LTBP1: variants seen among roughly 807,000 people sequenced by gnomAD.
LTBP1 encodes the protein latent-transforming growth factor beta-binding protein 1.
Under a neutral mutation model 207.6 loss-of-function variants are expected in LTBP1, and 129 were observed. The observed-to-expected ratio is 0.62, with a 90% CI of 0.54 to 0.72. The LOEUF (loss-of-function observed/expected upper bound fraction) is 0.72, where lower values mean the gene tolerates loss of function less well. LTBP1 is among the 30% of genes least tolerant of loss of function. The probability of loss-of-function intolerance (pLI) is 0.00; values close to 1 mark genes in which losing one functional copy is unlikely to be tolerated. For missense variants in LTBP1, 2,281 were observed against 2,217.2 expected (o/e 1.03, Z -0.58); for synonymous variants, 963 against 833.7 (o/e 1.16, Z -2.67).
chr2:33,273,268 C>T (rs1383499307), intron 15 of LTBP1, among the ~76,000 whole-genome samples: 1 of 152,096 alleles, frequency 6.6e-6, no homozygotes, highest in Non-Finnish European at 1.5e-5. Flanking sequence ...TAAGAAATCT[C>T]TTACCTATTG....
intron 15 of LTBP1, among the ~76,000 whole-genome samples, chr2:33,273,171 A>G (rs897593212): frequency 1.3e-5 from 2 of 152,132 alleles, no homozygotes; most frequent in Admixed American, 6.5e-5. Context: ...TTAATGATAA[A>G]TTTTGGAGGA....
intron 7 of LTBP1, among the ~76,000 whole-genome samples, chr2:33,192,132 G>C (rs2087963676): frequency 1.3e-5 from 2 of 152,202 alleles, no homozygotes; most frequent in Non-Finnish European, 2.9e-5. Context: ...AGAGTTGTCA[G>C]AAGAGATCAG....
chr2:33,269,638 A>G (rs551070720), intron 15 of LTBP1, among the ~76,000 whole-genome samples: 1 of 152,316 alleles, frequency 6.6e-6, no homozygotes, highest in African/African-American at 2.4e-5. Context: ...CCCAGTTTCT[A>G]GAGTTTATAT....
intron 7 of LTBP1, among the ~76,000 whole-genome samples, chr2:33,195,033 C>A (rs1292466421): frequency 6.6e-6 from 1 of 152,154 alleles, no homozygotes; most frequent in Non-Finnish European, 1.5e-5. Flanking sequence ...GGTTTTAAGA[C>A]CACTATTGAG....
intron 2 of LTBP1, among the ~76,000 whole-genome samples, chr2:33,005,984 A>G (rs219178): frequency 0.32 from 48,901 of 152,066 alleles, 8,796 homozygotes; most frequent in Non-Finnish European, 0.4. Flanking sequence ...AAGAACCACA[A>G]TGGTCTTTTT....
chr2:33,001,499 T>C (rs1442623198), intron 2 of LTBP1, among the ~76,000 whole-genome samples: 1 of 134,780 alleles, frequency 7.4e-6, no homozygotes, highest in Non-Finnish European at 1.6e-5. Flanking sequence ...ACAGCTTGGG[T>C]CCAATTCTCC....
chr2:33,139,996 A>G (rs549852099), intron 5 of LTBP1, among the ~76,000 whole-genome samples: 89 of 152,348 alleles, frequency 5.8e-4, no homozygotes, highest in Non-Finnish European at 1.1e-3. Flanking sequence ...TTTGAAGAAG[A>G]GAGAAGTGCT....
At chr2:33,240,335 AGTT>A (rs2092266719) in intron 9 of LTBP1, among the ~76,000 whole-genome samples, 1 of 152,270 alleles carries the variant, frequency 6.6e-6, no homozygotes, top group South Asian at 2.1e-4. Context: ...CGTTCCAAAC[AGTT>A]GTTAAACTTT....
intron 8 of LTBP1, among the ~76,000 whole-genome samples, chr2:33,218,391 A>G (rs1206505552): frequency 6.6e-6 from 1 of 152,154 alleles, no homozygotes; most frequent in Non-Finnish European, 1.5e-5. Flanking sequence ...ACTGATTTCT[A>G]ATAAATACTT....
At chr2:32,960,881 G>A (rs1329179849) in intron 2 of LTBP1, among the ~76,000 whole-genome samples, 1 of 152,122 alleles carries the variant, frequency 6.6e-6, no homozygotes, top group African/African-American at 2.4e-5. Context: ...GAGGGCTGCT[G>A]TAATAGGTGA....
chr2:33,267,975 G>T (rs2093225741), intron 15 of LTBP1, among the ~76,000 whole-genome samples: 1 of 152,214 alleles, frequency 6.6e-6, no homozygotes, highest in South Asian at 2.1e-4. Context: ...CATGTTTGAA[G>T]CATGAATATA....
intron 10 of LTBP1, 62 bp from the exon 11 acceptor site, chr2:33,252,615 T>C: frequency 6.8e-7 from 1 of 1,470,944 alleles, no homozygotes; most frequent in Non-Finnish European, 9.3e-7. Flanking sequence ...TTTACTATCA[T>C]TTGGAAAGCC....
chr2:33,321,430 T>C (rs2094352924), intron 24 of LTBP1, among the ~76,000 whole-genome samples: 3 of 152,146 alleles, frequency 2.0e-5, no homozygotes, highest in Admixed American at 2.0e-4. Flanking sequence ...CAGGCTAATT[T>C]TGTATTCATT....
At chr2:33,170,789 G>C (rs983007003) in intron 5 of LTBP1, among the ~76,000 whole-genome samples, 5 of 152,020 alleles carry the variant, frequency 3.3e-5, no homozygotes, top group African/African-American at 4.8e-5. Flanking sequence ...ACCTCACACG[G>C]CCGGGTACTC....
Position 33,190,896 on chromosome 2 carries a change from A to G in LTBP1, c.1701+2045A>G, listed in dbSNP as rs2087793734. ...CCCCAGTTTTGCAAATGCTTTTGGG[A>G]GAAGGAACATCAGTCTAAATTTAGC... On this transcript the variant is annotated intron_variant, in intron 7 of 33. Transcript: ENST00000404816. Among the ~76,000 whole-genome samples, 3 of 152,138 alleles carry G rather than the reference A, an allele frequency of 2.0e-5. No individual in the cohort carries two copies. In the South Asian group the frequency reaches 6.2e-4, roughly 32 times the overall value.
chr2:33,346,884 AG>A (rs1186438626), intron 25 of LTBP1, among the ~76,000 whole-genome samples: 1 of 152,106 alleles, frequency 6.6e-6, no homozygotes, highest in Non-Finnish European at 1.5e-5. Flanking sequence ...TTGGAGGCCG[AG>A]GTGGGCGGAT....
chr2:33,284,476 C>T (rs1030663571), intron 19 of LTBP1, among the ~76,000 whole-genome samples: 4 of 152,280 alleles, frequency 2.6e-5, no homozygotes, highest in African/African-American at 9.6e-5. Flanking sequence ...TCATTCGGCA[C>T]TGTATTCCTT....
intron 4 of LTBP1, among the ~76,000 whole-genome samples, chr2:33,115,037 T>TACACACACACAC (rs60544598): frequency 1.2e-4 from 17 of 145,266 alleles, no homozygotes; most frequent in South Asian, 6.8e-4. Flanking sequence ...AACAGATATA[T>TACACACACACAC]ACACACACAC....
intron 3 of LTBP1, among the ~76,000 whole-genome samples, chr2:33,028,280 G>C (rs62135743): frequency 0.071 from 10,770 of 152,226 alleles, 424 homozygotes; most frequent in Middle Eastern, 0.092. Flanking sequence ...ATAATGTTTT[G>C]GTGCTATGTA....
Sources: allele counts gnomAD v4.1 joint callset (sites outside exome capture counted in the v4.1 genomes callset), GRCh38; gene constraint gnomAD v4.1.1; transcripts MANE v1.5; gene names NCBI Gene and HGNC (gene_info 2026-07-23, HGNC 2026-07-21).